The following NCKAP5 variants were observed in gnomAD, a reference collection of about 807,000 sequenced individuals.
The protein encoded by NCKAP5 is nck-associated protein 5.
A neutral mutation model predicts 167.0 loss-of-function variants in NCKAP5; 92 were observed. The ratio of observed to expected loss-of-function variants is 0.55; its 90% CI spans 0.47 to 0.66. The LOEUF is 0.66. Among genes scored for constraint, NCKAP5 ranks in the 30% least tolerant of loss-of-function variants. NCKAP5 has a pLI of 0.00. For missense variants in NCKAP5, 2,378 were observed against 2,315.0 expected (o/e 1.03, Z -0.56); for synonymous variants, 891 against 877.4 (o/e 1.02, Z -0.27).
chr2:132,845,285 C>A (rs1688579765), intron 11 of NCKAP5, among the ~76,000 whole-genome samples: 1 of 152,052 alleles, frequency 6.6e-6, no homozygotes, highest in South Asian at 2.1e-4. Flanking sequence ...TTTGATCAAC[C>A]AAAATTTTAA....
intron 6 of NCKAP5, among the ~76,000 whole-genome samples, chr2:133,076,368 C>T (rs1052748101): frequency 4.6e-5 from 7 of 152,096 alleles, no homozygotes; most frequent in Non-Finnish European, 8.8e-5. Context: ...TGTGGAAGGT[C>T]CTGGAACCCA....
At chr2:133,139,633 T>C (rs2082923673) in intron 5 of NCKAP5, among the ~76,000 whole-genome samples, 1 of 152,194 alleles carries the variant, frequency 6.6e-6, no homozygotes, top group Non-Finnish European at 1.5e-5. Context: ...AGAATCTAAA[T>C]GATGTTTAAT....
intron 11 of NCKAP5, among the ~76,000 whole-genome samples, chr2:132,822,422 T>G (rs975230212): frequency 6.6e-6 from 1 of 152,178 alleles, no homozygotes; most frequent in East Asian, 1.9e-4. Flanking sequence ...TGGAGCCTGA[T>G]AGCCCTGCTG....
chr2:133,411,355 G>A (rs1376652892), intron 3 of NCKAP5, among the ~76,000 whole-genome samples: 7 of 152,266 alleles, frequency 4.6e-5, no homozygotes, highest in Middle Eastern at 3.4e-3. Flanking sequence ...CATAAGTATC[G>A]GAAGGGAGGG....
intron 3 of NCKAP5, among the ~76,000 whole-genome samples, chr2:133,448,250 G>GAAAAA (rs58596848): frequency 1.6e-4 from 22 of 140,996 alleles, no homozygotes; most frequent in African/African-American, 3.9e-4. Flanking sequence ...ATTGTTCTGG[G>GAAAAA]AAAAAAAAAA....
At chr2:133,620,379 A>C in the NCKAP5 span, among the ~76,000 whole-genome samples, 17 of 152,114 alleles carry the variant, frequency 1.1e-4, no homozygotes, top group Non-Finnish European at 2.4e-4. Flanking sequence ...CAGGAGACTC[A>C]CCTAACAAAT....
the NCKAP5 span, among the ~76,000 whole-genome samples, chr2:133,595,807 T>C: frequency 8.5e-5 from 13 of 152,160 alleles, no homozygotes; most frequent in East Asian, 2.3e-3. Context: ...CAAACAAGCA[T>C]GGCTATGTTC....
chr2:133,553,055 C>T lies in NCKAP5; in HGVS notation c.-62+5995G>A, dbSNP rs574806379. Among the ~76,000 whole-genome samples, 5 of 152,248 alleles carry T rather than the reference C, an allele frequency of 3.3e-5. No individual in the cohort carries two copies. In the South Asian group the frequency reaches 1.0e-3, roughly 32 times the overall value. On this transcript the variant is annotated intron_variant, in intron 2 of 19. Coordinates refer to ENST00000409261, the MANE Select transcript of NCKAP5 (RefSeq NM_207363.3). ...TTCTGTTTATGTACTTATTTCCAAC[C>T]TCATTCCCCCAAAGGATTTGTGATT...
chr2:133,341,762 T>C (rs1683602378), intron 3 of NCKAP5, among the ~76,000 whole-genome samples: 3 of 152,276 alleles, frequency 2.0e-5, no homozygotes, highest in South Asian at 2.1e-4. Context: ...TCAACTCCTA[T>C]CTTTCCTGTC....
intron 8 of NCKAP5, among the ~76,000 whole-genome samples, chr2:132,960,333 T>C (rs1363358643): frequency 6.6e-6 from 1 of 151,906 alleles, no homozygotes; most frequent in Non-Finnish European, 1.5e-5. Flanking sequence ...TGGGAGAAGG[T>C]GTCTGAGGGA....
At chr2:133,264,490 G>T (rs2089081502) in intron 4 of NCKAP5, among the ~76,000 whole-genome samples, 1 of 152,126 alleles carries the variant, frequency 6.6e-6, no homozygotes, top group African/African-American at 2.4e-5. Flanking sequence ...TCTTGTCTTT[G>T]CTCCATTCCC....
chr2:133,225,527 A>C (rs1285093936), intron 4 of NCKAP5, among the ~76,000 whole-genome samples: 1 of 152,214 alleles, frequency 6.6e-6, no homozygotes, highest in African/African-American at 2.4e-5. Context: ...ACTGTCACAC[A>C]GGAAAGTTTA....
At chr2:133,310,826 A>G (rs1356910427) in intron 3 of NCKAP5, among the ~76,000 whole-genome samples, 1 of 152,214 alleles carries the variant, frequency 6.6e-6, no homozygotes, top group Non-Finnish European at 1.5e-5. Context: ...AGATTAGGCT[A>G]TAAGTGGTCT....
At chr2:132,925,739 T>C (rs1277047817) in intron 8 of NCKAP5, among the ~76,000 whole-genome samples, 28 of 151,966 alleles carry the variant, frequency 1.8e-4, no homozygotes, top group Admixed American at 1.8e-3. Flanking sequence ...TGGGGACCCC[T>C]GTTTTGGGGG....
chr2:133,656,229 C>T, the NCKAP5 span, among the ~76,000 whole-genome samples: 1 of 151,928 alleles, frequency 6.6e-6, no homozygotes, highest in Non-Finnish European at 1.5e-5. Flanking sequence ...GTTATTCAAC[C>T]TCTCAGAGCC....
At chr2:132,773,954 A>G in intron 15 of NCKAP5, 60 bp from the exon 16 acceptor site, 6 of 1,414,440 alleles carry the variant, frequency 4.2e-6, no homozygotes, top group Non-Finnish European at 5.9e-6. Flanking sequence ...ATCCTTTTGC[A>G]ATCCTCAGAG....
rs1410731530 is a variant in NCKAP5, at chr2:133,189,588, G to T, written c.207+24128C>A. Among the ~76,000 whole-genome samples, 3 of 152,088 alleles carry T rather than the reference G, an allele frequency of 2.0e-5. No individual in the cohort carries two copies. The East Asian group carries it at 5.8e-4, about 29-fold the overall frequency. On this transcript the variant is annotated intron_variant, in intron 5 of 19. Coordinates refer to ENST00000409261, the MANE Select transcript of NCKAP5 (RefSeq NM_207363.3). ...GCACATCAAAAAGCTTATCCACCAC[G>T]ATCAAGTTGGTTTCACCCCTGGGAT...
intron 4 of NCKAP5, among the ~76,000 whole-genome samples, chr2:133,221,070 C>T (rs1012827976): frequency 6.7e-6 from 1 of 149,720 alleles, no homozygotes; most frequent in Non-Finnish European, 1.5e-5. Context: ...ATCCAGCTCA[C>T]GTCAAGCAAA....
At chr2:132,796,244 G>C (rs1684594796) in intron 12 of NCKAP5, among the ~76,000 whole-genome samples, 1 of 151,910 alleles carries the variant, frequency 6.6e-6, no homozygotes, top group Admixed American at 6.6e-5. Flanking sequence ...ACCCCAGCTA[G>C]AGAAAAAAAA....
Sources: gnomAD v4.1 joint callset for allele counts (sites outside exome capture counted in the v4.1 genomes callset) on GRCh38, gnomAD v4.1.1 for gene constraint, MANE v1.5 for transcripts, NCBI Gene and HGNC (gene_info 2026-07-23, HGNC 2026-07-21) for gene names.